The following FRRS1 variants were observed in gnomAD, a reference collection of about 807,000 sequenced individuals.
FRRS1 encodes ferric chelate reductase 1.
Under a neutral mutation model 70.7 loss-of-function variants are expected in FRRS1, and 51 were observed. That is an observed-to-expected ratio of 0.72 (90% confidence interval 0.58 to 0.91). FRRS1 has a LOEUF of 0.91. Ranked by LOEUF, FRRS1 falls within the 40% of genes least tolerant of loss-of-function variation. The pLI is 0.00. For missense variants in FRRS1, 672 were observed against 726.0 expected (o/e 0.93, Z 0.86); for synonymous variants, 225 against 238.7 (o/e 0.94, Z 0.53).
rs750520681 is a variant in FRRS1 at position 99,750,642 on chromosome 1, G to A, written c.-105-1641C>T. Among the ~76,000 whole-genome samples the A allele has an allele frequency of 1.1e-4, 16 of 147,332 alleles. No homozygotes were observed. In the East Asian group the frequency reaches 2.7e-3, roughly 25 times the overall value. On this transcript the variant is annotated intron_variant, in intron 1 of 16. Transcript: ENST00000646001. The stretch of plus-strand genomic sequence containing the variant: ...ATCTGAGATAAGAATCTCTTAGCCC[G>A]AAGATATCTCAATAGAAAAATATCA...
chr1:99,761,197 G>T (rs1657099607), intron 1 of FRRS1, among the ~76,000 whole-genome samples: 1 of 151,924 alleles, frequency 6.6e-6, no homozygotes, highest in South Asian at 2.1e-4. Context: ...TGCAATCTCG[G>T]CTCACTACAA....
Position 99,742,971 on chromosome 1 carries a change from G to A in FRRS1, c.334-698C>T, listed in dbSNP as rs1656049326. Among the ~76,000 whole-genome samples the A allele has an allele frequency of 2.6e-5, 4 of 151,902 alleles. No homozygotes were observed. In the South Asian group the frequency reaches 6.2e-4, roughly 24 times the overall value. On this transcript the variant is annotated intron_variant, in intron 4 of 16. Transcript: ENST00000646001. ...TCCCTCCCATTCAGGACCATTTTTG[G>A]TGTAAAAATAAATGGATGAATGAGT...
chr1:99,740,310 T>G (rs561257870), intron 6 of FRRS1, among the ~76,000 whole-genome samples: 1 of 152,338 alleles, frequency 6.6e-6, no homozygotes, highest in African/African-American at 2.4e-5. Flanking sequence ...GACCAAACCT[T>G]GAACATGCAG....
chr1:99,735,942 A>AT (rs932851756), intron 7 of FRRS1, among the ~76,000 whole-genome samples: 16 of 151,724 alleles, frequency 1.1e-4, no homozygotes, highest in South Asian at 4.2e-4. Flanking sequence ...AATAAGTTGG[A>AT]TTTTTTTTTA....
chr1:99,707,736 G>C lies in FRRS1; in HGVS notation c.*1292C>G, dbSNP rs914609840. ...AGCAGTGCAGTACTTCGGTATTACA[G>C]CGCCACCCACTGGCTAGAAGTCCTC... On this transcript the variant is annotated 3_prime_UTR_variant, in exon 17 of 17. Transcript: ENST00000646001. Among the ~76,000 whole-genome samples the C allele has an allele frequency of 6.6e-6, 1 of 152,194 alleles. No individual in the cohort carries two copies. The highest frequency in any genetic ancestry group is 1.5e-5 in the Non-Finnish European group (1 of 68,028).
At chr1:99,714,934 G>C (rs1320810281) in intron 12 of FRRS1, among the ~76,000 whole-genome samples, 1 of 152,180 alleles carries the variant, frequency 6.6e-6, no homozygotes, top group African/African-American at 2.4e-5. Flanking sequence ...GTCTGGACTG[G>C]AGATAAAGAT....
At chr1:99,715,719 G>T in intron 11 of FRRS1, 47 bp from the exon 12 acceptor site, 2 of 1,375,482 alleles carry the variant, frequency 1.5e-6, no homozygotes, top group Non-Finnish European at 1.0e-6. Context: ...CCATGTAAAA[G>T]AAAGGTGGTG....
intron 1 of FRRS1, among the ~76,000 whole-genome samples, chr1:99,759,778 G>A (rs149712958): frequency 2.0e-4 from 30 of 152,294 alleles, no homozygotes; most frequent in African/African-American, 5.1e-4. Flanking sequence ...TAGAAACCAC[G>A]TCTGATGGAA....
chr1:99,732,099 T>G (rs1655419017), intron 7 of FRRS1, among the ~76,000 whole-genome samples: 1 of 152,142 alleles, frequency 6.6e-6, no homozygotes, highest in Admixed American at 6.6e-5. Flanking sequence ...AGAAGTCAAA[T>G]AAAATCAATA....
At chr1:99,740,436 C>T (rs900519670) in intron 6 of FRRS1, among the ~76,000 whole-genome samples, 1 of 152,204 alleles carries the variant, frequency 6.6e-6, no homozygotes, top group African/African-American at 2.4e-5. Context: ...AGCTACTTCT[C>T]TATGCACTTT....
Position 99,728,504 on chromosome 1 carries a change from G to C in FRRS1, c.995C>G (p.Ala332Gly), listed in dbSNP as rs1412928974. The C allele has an allele frequency of 6.2e-7, 1 of 1,610,690 alleles. No homozygotes were observed. The highest frequency in any genetic ancestry group is 2.2e-5 in the East Asian group (1 of 44,822). Residue 332 changes from alanine (A) to glycine (G), a missense_variant, in exon 9 of 17, where the codon GCA becomes GGA. Physicochemically the swap from Ala to Gly is moderately conservative, Grantham distance 60 (BLOSUM62 0). Coordinates refer to ENST00000646001, the MANE Select transcript of FRRS1 (RefSeq NM_001361041.2). Reference protein sequence around the residue: ...TSYYIFLADGAANDGRIYKHS... With the variant: ...TSYYIFLADGGANDGRIYKHS... ...AACAATATACTTACCATCATTAGCT[G>C]CACCATCTGCTAGAAATATGTAATA... is the stretch of plus-strand genomic sequence containing the variant.
chr1:99,742,388 G>A (rs930932560), intron 4 of FRRS1, 115 bp from the exon 5 acceptor site: 17 of 653,810 alleles, frequency 2.6e-5, no homozygotes, highest in Middle Eastern at 5.3e-4. Flanking sequence ...TTCTGGTGAA[G>A]ACTATTTTAT....
rs763662537 is a variant in FRRS1 at position 99,740,932 on chromosome 1, A to C, written c.437T>G (p.Val146Gly). 5 of 1,611,608 alleles carry C rather than the reference A, an allele frequency of 3.1e-6. No homozygotes were observed. The highest frequency in any genetic ancestry group is 4.2e-6 in the Non-Finnish European group (5 of 1,177,782). Residue 146 changes from valine to glycine, a missense_variant, in exon 6 of 17, where the codon GTT (valine) becomes GGT (glycine). By Grantham distance (109) the Val-to-Gly change is moderately radical. Coordinates refer to ENST00000646001, the MANE Select transcript of FRRS1 (RefSeq NM_001361041.2). Reference sequence around the variant, plus strand: ...CCAGTAGATTTTATACTTCTCAACAACTGTGACTCTGAAATGCAATACCAG... The same window carrying C: ...CCAGTAGATTTTATACTTCTCAACACCTGTGACTCTGAAATGCAATACCAG... Reference protein sequence around the residue: ...APNHTQFLVTVVEKYKIYWVK... With the variant: ...APNHTQFLVTGVEKYKIYWVK...
rs558406061 is a variant in FRRS1, at chr1:99,726,877, C to A, written c.1006+1616G>T. Among the ~76,000 whole-genome samples the A allele has an allele frequency of 3.9e-5, 6 of 152,212 alleles. No homozygotes were observed. In the South Asian group the frequency reaches 1.0e-3, roughly 26 times the overall value. ...GCACACTACCACACCCAGCTAATTT[C>A]TATTTTTTTGTTGTTGTTTTTTTTG... On this transcript the variant is annotated intron_variant, in intron 9 of 16. Transcript: ENST00000646001.
At chr1:99,756,638 A>C (rs1220389639) in intron 1 of FRRS1, among the ~76,000 whole-genome samples, 1 of 152,194 alleles carries the variant, frequency 6.6e-6, no homozygotes, top group African/African-American at 2.4e-5. Flanking sequence ...TGGAAAAAGG[A>C]GTATGTGTTA....
At chr1:99,722,172 G>A (rs1654865952) in intron 9 of FRRS1, among the ~76,000 whole-genome samples, 2 of 151,786 alleles carry the variant, frequency 1.3e-5, no homozygotes, top group African/African-American at 4.8e-5. Context: ...ACCATGCCCA[G>A]CTAATTTTTG....
At position 99,740,869 on chromosome 1, in the gene FRRS1, G is replaced by T. The variant is rs1250452635; in HGVS notation, c.500C>A (p.Ala167Glu). The T allele has an allele frequency of 1.2e-6, 2 of 1,610,728 alleles. No homozygotes were observed. The highest frequency in any genetic ancestry group is 2.7e-5 in the African/African-American group (2 of 74,850). Residue 167 changes from alanine to glutamate, a missense_variant, in exon 6 of 17, where the codon GCA becomes GAA. Physicochemically the swap from Ala to Glu is moderately radical, Grantham distance 107 (BLOSUM62 -1). Coordinates refer to ENST00000646001, the MANE Select transcript of FRRS1 (RefSeq NM_001361041.2). ...AGCTTTAGGTGTTGTAAAAGGAAATGCATTTGGTTGTGAAATTATAGGACC... is the reference window on the plus strand; with the variant it reads ...AGCTTTAGGTGTTGTAAAAGGAAATTCATTTGGTTGTGAAATTATAGGACC... ...IPGPIISQPN[A>E]FPFTTPKATV...
Position 99,710,812 on chromosome 1 carries a change from G to C in FRRS1, c.1618C>G (p.Arg540Gly), listed in dbSNP as rs1463050659. The change falls in exon 15 of 17, where the codon CGC becomes GGC. Residue 540 changes from arginine (R) to glycine (G), a missense_variant. Arg to Gly is a moderately radical substitution (Grantham distance 125). Transcript: ENST00000646001. ...VLEVHAYRLS[R>G]KVEILDDDRI... Reference sequence around the variant, plus strand: ...GGCTTTTTTACCAGGTTACCTTTGCGAGAGAGCCGATAAGCATGTACCTCC... The same window carrying C: ...GGCTTTTTTACCAGGTTACCTTTGCCAGAGAGCCGATAAGCATGTACCTCC... 3 of 1,613,440 alleles carry C rather than the reference G, an allele frequency of 1.9e-6. No homozygotes were observed. Among genetic ancestry groups the C allele is most frequent in the African/African-American group, 1.3e-5 (1 of 74,956 alleles).
intron 1 of FRRS1, among the ~76,000 whole-genome samples, chr1:99,762,771 G>A (rs1657172428): frequency 6.6e-6 from 1 of 152,012 alleles, no homozygotes. Context: ...CGAACTCTCA[G>A]GATTGGATTC....
Sources: allele counts gnomAD v4.1 joint callset (sites outside exome capture counted in the v4.1 genomes callset), GRCh38; gene constraint gnomAD v4.1.1; transcripts MANE v1.5; gene names NCBI Gene and HGNC (gene_info 2026-07-23, HGNC 2026-07-21).